TP53BP1: variants seen among roughly 807,000 people sequenced by gnomAD.
TP53BP1 encodes the protein TP53-binding protein 1.
Under a neutral mutation model 200.8 loss-of-function variants are expected in TP53BP1, and 61 were observed. The observed-to-expected ratio is 0.30, with a 90% CI of 0.25 to 0.38. TP53BP1 has a LOEUF of 0.38. Among genes scored for constraint, TP53BP1 ranks in the 10% least tolerant of loss-of-function variants. The probability of loss-of-function intolerance (pLI) is 1.00; values close to 1 mark genes in which losing one functional copy is unlikely to be tolerated. For synonymous variants in TP53BP1, 822 were observed against 844.3 expected (o/e 0.97, Z 0.46); for missense variants, 2,144 against 2,371.9 (o/e 0.90, Z 2.00).
chr15:43,475,441 T>C, intron 9 of TP53BP1, 124 bp downstream of exon 9: 2 of 1,132,190 alleles, frequency 1.8e-6, no homozygotes, highest in Non-Finnish European at 2.5e-6. Context: ...CTCTAATGCA[T>C]AGGTTCTACC....
chr15:43,454,642 C>T (rs2046252438), intron 12 of TP53BP1, among the ~76,000 whole-genome samples: 1 of 152,068 alleles, frequency 6.6e-6, no homozygotes, highest in African/African-American at 2.4e-5. Context: ...GGATTACAGG[C>T]GTGAGCCACC....
chr15:43,433,912 G>A (rs563031147), intron 16 of TP53BP1, among the ~76,000 whole-genome samples: 4 of 152,132 alleles, frequency 2.6e-5, no homozygotes, highest in Non-Finnish European at 4.4e-5. Flanking sequence ...GCTTTCCTAC[G>A]TAGACAGGGT....
At chr15:43,481,050 G>C (rs373207387) in intron 4 of TP53BP1, 28 bp from the exon 5 acceptor site, 2 of 1,613,544 alleles carry the variant, frequency 1.2e-6, no homozygotes, top group Non-Finnish European at 8.5e-7. Flanking sequence ...ATAATCATGT[G>C]TTCCCAGATA....
chr15:43,466,362 G>C (rs2046580976), intron 11 of TP53BP1, among the ~76,000 whole-genome samples: 1 of 152,044 alleles, frequency 6.6e-6, no homozygotes, highest in Admixed American at 6.5e-5. Context: ...GAGAATCTAG[G>C]GTTGATTTAA....
intron 1 of TP53BP1, among the ~76,000 whole-genome samples, chr15:43,499,611 A>G (rs2079199395): frequency 6.6e-6 from 1 of 152,150 alleles, no homozygotes; most frequent in Non-Finnish European, 1.5e-5. Flanking sequence ...GCTAACTAAC[A>G]AGTGGCAAGA....
intron 1 of TP53BP1, among the ~76,000 whole-genome samples, chr15:43,505,727 C>A (rs1405780987): frequency 6.6e-6 from 1 of 152,188 alleles, no homozygotes; most frequent in Non-Finnish European, 1.5e-5. Context: ...CCCATCTCAA[C>A]CTTTTTAGAT....
At chr15:43,495,645 G>GT (rs1463587868), upstream of TP53BP1, among the ~76,000 whole-genome samples, 1 of 151,592 alleles carries the variant, frequency 6.6e-6, no homozygotes, top group African/African-American at 2.4e-5. Flanking sequence ...GTGAAACACG[G>GT]TCTCTACTAA....
chr15:43,458,738 C>G (rs2046359812), intron 11 of TP53BP1, among the ~76,000 whole-genome samples: 1 of 151,894 alleles, frequency 6.6e-6, no homozygotes, highest in Admixed American at 6.6e-5. Flanking sequence ...TATTATTGTA[C>G]CACTCACTGT....
chr15:43,479,364 A>T (rs1463219681), intron 7 of TP53BP1, 33 bp downstream of exon 7: 1 of 1,566,558 alleles, frequency 6.4e-7, no homozygotes, highest in South Asian at 1.2e-5. Flanking sequence ...CTACAGCAAA[A>T]CTCGTAAATC....
At chr15:43,430,437 AAT>A (rs2045642962) in intron 17 of TP53BP1, among the ~76,000 whole-genome samples, 1 of 148,656 alleles carries the variant, frequency 6.7e-6, no homozygotes, top group African/African-American at 2.4e-5. Flanking sequence ...CATAACATAA[AAT>A]ATATCATTGT....
intron 11 of TP53BP1, among the ~76,000 whole-genome samples, chr15:43,464,528 G>A (rs1173735273): frequency 1.3e-5 from 2 of 152,144 alleles, no homozygotes. Context: ...ATAGCCAAAA[G>A]GGGAAACAAC....
intron 23 of TP53BP1, chr15:43,414,069 G>A (rs1157088203): frequency 1.1e-5 from 5 of 464,320 alleles, no homozygotes; most frequent in Middle Eastern, 3.3e-4. Flanking sequence ...AAGCTGAATC[G>A]TAGGTTCATT....
intron 26 of TP53BP1, 91 bp from the exon 27 acceptor site, chr15:43,408,179 T>G: frequency 7.6e-7 from 1 of 1,321,800 alleles, no homozygotes; most frequent in Non-Finnish European, 1.0e-6. Context: ...TCTGAATGCT[T>G]TCAAAAATAA....
chr15:43,432,096 A>C, intron 17 of TP53BP1, 98 bp downstream of exon 17: 6 of 1,493,180 alleles, frequency 4.0e-6, no homozygotes, highest in South Asian at 1.3e-5. Context: ...CAAAACTGTC[A>C]AGAATTGTCA....
At position 43,492,478 on chromosome 15, in the gene TP53BP1, A is replaced by C; in HGVS notation, c.8-10T>G. 1 of 1,611,394 alleles carries C rather than the reference A, an allele frequency of 6.2e-7. No individual in the cohort carries two copies. The highest frequency in any genetic ancestry group is 8.5e-7 in the Non-Finnish European group (1 of 1,178,376). Reference sequence around the variant, plus strand: ...GGGTCCATCTGCTCCCCTGGAATGGAATAACAAAAGATCAGTTCCGTGTAA... The same window carrying C: ...GGGTCCATCTGCTCCCCTGGAATGGCATAACAAAAGATCAGTTCCGTGTAA... On this transcript the variant is annotated splice_polypyrimidine_tract_variant and intron_variant, in intron 1 of 27. Coordinates refer to ENST00000382044, the MANE Select transcript of TP53BP1 (RefSeq NM_001141980.3).
chr15:43,488,654 G>A (rs1421735287), intron 4 of TP53BP1, among the ~76,000 whole-genome samples: 3 of 152,202 alleles, frequency 2.0e-5, no homozygotes, highest in Non-Finnish European at 4.4e-5. Flanking sequence ...AGCACTTTGG[G>A]AGACTGAGGC....
At position 43,413,221 on chromosome 15, in the gene TP53BP1, G is replaced by C; in HGVS notation, c.5203C>G (p.Leu1735Val). The C allele has an allele frequency of 1.9e-6, 3 of 1,614,182 alleles. No individual in the cohort carries two copies. The highest frequency in any genetic ancestry group is 1.6e-4 in the Middle Eastern group (1 of 6,062). ...ATGGTAAGGAGAAATGCGTAGCCCA[G>C]AAACAAGGTCTTGTTGAGAGGCAAA... ...GPLPLNKTLF[L>V]GYAFLLTMAT... Residue 1735 changes from leucine to valine, a missense_variant, in exon 24 of 28, where the codon CTG becomes GTG. Leu to Val is a conservative substitution (Grantham distance 32). Transcript: ENST00000382044.
In TP53BP1 at chr15:43,404,251, A is replaced by G. The variant is rs1481766648; in HGVS notation, c.*3132T>C. On this transcript the variant is annotated 3_prime_UTR_variant, in exon 28 of 28. Transcript: ENST00000382044. ...GTCATGCATGTATGGATTTGGTACAAGTCATTTTAGGAACTAATAGAAATA... is the reference window on the plus strand; with the variant it reads ...GTCATGCATGTATGGATTTGGTACAGGTCATTTTAGGAACTAATAGAAATA... 4.0e-6 allele frequency: 3 copies of G among 752,666 alleles called. No homozygotes were observed. The highest frequency in any genetic ancestry group is 1.8e-5 in the African/African-American group (1 of 56,644). 46.6% of individuals were successfully genotyped at this position (752,666 alleles called of 1,614,324 possible).
At chr15:43,494,891 T>C (rs1203640685), upstream of TP53BP1, among the ~76,000 whole-genome samples, 3 of 152,214 alleles carry the variant, frequency 2.0e-5, no homozygotes. Flanking sequence ...CAAGTGTGTT[T>C]GTCGAAACAT....
Sources: gnomAD v4.1 joint callset for allele counts (sites outside exome capture counted in the v4.1 genomes callset) on GRCh38, gnomAD v4.1.1 for gene constraint, MANE v1.5 for transcripts, NCBI Gene and HGNC (gene_info 2026-07-23, HGNC 2026-07-21) for gene names.